Variants in ENTREP1 observed in about 807,000 individuals in gnomAD.
ENTREP1 encodes endosomal transmembrane epsin interactor 1.
the ENTREP1 span, among the ~76,000 whole-genome samples, chr9:69,328,464 C>T: frequency 6.6e-6 from 1 of 152,118 alleles, no homozygotes; most frequent in Admixed American, 6.5e-5. Flanking sequence ...CCGCATTTTA[C>T]CCTTCACCCA....
chr9:69,368,845 TAAATTA>T, the ENTREP1 span, among the ~76,000 whole-genome samples: 70 of 152,248 alleles, frequency 4.6e-4, no homozygotes, highest in African/African-American at 1.5e-3. Flanking sequence ...TCTTTTTTTT[TAAATTA>T]TACTTTAAGT....
the ENTREP1 span, chr9:69,391,936 C>G: frequency 2.3e-6 from 2 of 877,916 alleles, no homozygotes; most frequent in Non-Finnish European, 3.6e-6. Flanking sequence ...TGTTGGCTCC[C>G]GTGTCTGCTG....
the ENTREP1 span, among the ~76,000 whole-genome samples, chr9:69,353,047 G>A: frequency 2.0e-5 from 3 of 152,154 alleles, no homozygotes; most frequent in African/African-American, 4.8e-5. Context: ...TGAGGCAGGA[G>A]GATCACTTGA....
At chr9:69,357,348 G>A in the ENTREP1 span, among the ~76,000 whole-genome samples, 1 of 152,192 alleles carries the variant, frequency 6.6e-6, no homozygotes, top group African/African-American at 2.4e-5. Flanking sequence ...GAAGCAAGAG[G>A]CCTTTCATCC....
the ENTREP1 span, among the ~76,000 whole-genome samples, chr9:69,328,622 A>G: frequency 1.3e-5 from 2 of 151,550 alleles, no homozygotes; most frequent in Non-Finnish European, 2.9e-5. Flanking sequence ...TTGATAGGAC[A>G]TTGTAACTAA....
the ENTREP1 span, among the ~76,000 whole-genome samples, chr9:69,332,888 A>C: frequency 6.6e-6 from 1 of 152,252 alleles, no homozygotes; most frequent in Admixed American, 6.5e-5. Context: ...TGACAGCAAA[A>C]AACTAGACAT....
chr9:69,370,628 TA>T, the ENTREP1 span, among the ~76,000 whole-genome samples: 1 of 152,154 alleles, frequency 6.6e-6, no homozygotes, highest in African/African-American at 2.4e-5. Flanking sequence ...CATTGACTCA[TA>T]AAATGGGTCT....
chr9:69,325,175 G>T, the ENTREP1 span: 2 of 1,034,858 alleles, frequency 1.9e-6, no homozygotes, highest in Non-Finnish European at 2.3e-6. Flanking sequence ...TGGGCCGTGC[G>T]CATTTCCTTC....
the ENTREP1 span, chr9:69,375,900 C>A: frequency 6.3e-7 from 1 of 1,586,388 alleles, no homozygotes; most frequent in Non-Finnish European, 8.6e-7. Flanking sequence ...ACGGTAAATA[C>A]ACCACGGAGC....
chr9:69,371,586 T>A, the ENTREP1 span: 23 of 1,613,446 alleles, frequency 1.4e-5, no homozygotes, highest in Non-Finnish European at 2.0e-5. Flanking sequence ...CCAGTTTGTG[T>A]CCAGCGTGCC....
the ENTREP1 span, among the ~76,000 whole-genome samples, chr9:69,378,054 T>C: frequency 1.3e-5 from 2 of 152,164 alleles, no homozygotes; most frequent in East Asian, 3.9e-4. Context: ...TCTTTTTGTC[T>C]GATAAAACAG....
At chr9:69,341,418 G>T in the ENTREP1 span, among the ~76,000 whole-genome samples, 1 of 152,044 alleles carries the variant, frequency 6.6e-6, no homozygotes, top group Non-Finnish European at 1.5e-5. Context: ...CTAACCTCAA[G>T]ATTATAGTAT....
At chr9:69,324,888 G>A in the ENTREP1 span, 2 of 985,322 alleles carry the variant, frequency 2.0e-6, no homozygotes, top group East Asian at 1.1e-4. Flanking sequence ...ACTCTCGGTG[G>A]CCGGCGCTGA....
At chr9:69,347,571 AATG>A in the ENTREP1 span, among the ~76,000 whole-genome samples, 1 of 152,352 alleles carries the variant, frequency 6.6e-6, no homozygotes. Flanking sequence ...CTTACATTCA[AATG>A]AAGTTCCAAG....
the ENTREP1 span, among the ~76,000 whole-genome samples, chr9:69,363,862 G>A: frequency 6.6e-6 from 1 of 152,224 alleles, no homozygotes; most frequent in African/African-American, 2.4e-5. Context: ...GTGGAGAGAG[G>A]CTGTGGCAGG....
chr9:69,381,909 G>A, the ENTREP1 span: 2 of 152,178 alleles, frequency 1.3e-5, no homozygotes, highest in African/African-American at 4.8e-5. Flanking sequence ...TGTTCTTCGG[G>A]AAGAAATTCT....
At chr9:69,383,573 G>A in the ENTREP1 span, 1,534 of 1,606,732 alleles carry the variant, frequency 9.5e-4, 2 homozygotes, top group Middle Eastern at 3.2e-3. Context: ...GGGCATCACT[G>A]CAGTCACGTG....
chr9:69,337,256 C>T, the ENTREP1 span, among the ~76,000 whole-genome samples: 4 of 152,036 alleles, frequency 2.6e-5, no homozygotes, highest in African/African-American at 9.7e-5. Flanking sequence ...GATCCGCCTG[C>T]CTTGGCCTCC....
chr9:69,354,253 C>CTTTTTT, the ENTREP1 span, among the ~76,000 whole-genome samples: 1 of 53,292 alleles, frequency 1.9e-5, no homozygotes, highest in Non-Finnish European at 3.4e-5. Flanking sequence ...CCTATTGCAA[C>CTTTTTT]ATTTTTTTTT....
Sources: allele counts gnomAD v4.1 joint callset (sites outside exome capture counted in the v4.1 genomes callset), GRCh38; gene constraint gnomAD v4.1.1; transcripts MANE v1.5; gene names NCBI Gene and HGNC (gene_info 2026-07-23, HGNC 2026-07-21).